Variants in GALNT3 observed in about 807,000 individuals in gnomAD.
GALNT3 encodes GalNAc transferase 3.
A neutral mutation model predicts 69.8 loss-of-function variants in GALNT3; 51 were observed. The ratio of observed to expected loss-of-function variants is 0.73; its 90% CI spans 0.58 to 0.92. The LOEUF is 0.92. Ranked by LOEUF, GALNT3 falls within the 40% of genes least tolerant of loss-of-function variation. The pLI, the probability that GALNT3 is intolerant of heterozygous loss-of-function variation, is 0.00. For missense variants in GALNT3, 711 were observed against 760.0 expected (o/e 0.94, Z 0.76); for synonymous variants, 265 against 248.5 (o/e 1.07, Z -0.63).
chr2:165,786,248 T>C (rs899394107), intron 1 of GALNT3, among the ~76,000 whole-genome samples: 7 of 152,180 alleles, frequency 4.6e-5, no homozygotes, highest in Non-Finnish European at 1.0e-4. Flanking sequence ...AGAAGAAACA[T>C]TTAAATAAAT....
chr2:165,747,986 G>A lies in GALNT3; in HGVS notation c.*795C>T, dbSNP rs934711426. 1.7e-5 allele frequency: 3 copies of A among 176,478 alleles called. No individual in the cohort carries two copies. Among genetic ancestry groups the A allele is most frequent in the African/African-American group, 7.1e-5 (3 of 42,196 alleles). The allele number at this position is 176,478 out of a possible 1,614,324, so 10.9% of individuals were successfully genotyped here. On this transcript the variant is annotated 3_prime_UTR_variant, in exon 11 of 11. Coordinates refer to ENST00000392701, the MANE Select transcript of GALNT3 (RefSeq NM_004482.4). Reference sequence around the variant, plus strand: ...GAAATTTAATATCACAAACATTCAAGATTAGTGAATTTTGGTAAGAAAAAA... The same window carrying A: ...GAAATTTAATATCACAAACATTCAAAATTAGTGAATTTTGGTAAGAAAAAA...
intron 1 of GALNT3, among the ~76,000 whole-genome samples, chr2:165,773,750 G>A (rs1161461526): frequency 6.6e-6 from 1 of 150,852 alleles, no homozygotes; most frequent in African/African-American, 2.4e-5. Context: ...GAAAAAAAGA[G>A]ACTGACTGGA....
intron 2 of GALNT3, 75 bp from the exon 3 acceptor site, chr2:165,765,131 A>G: frequency 8.5e-7 from 1 of 1,182,170 alleles, no homozygotes. Context: ...CATTGCTAAC[A>G]TTATCATTAT....
chr2:165,789,467 A>T (rs1683296818), intron 1 of GALNT3, among the ~76,000 whole-genome samples: 1 of 152,240 alleles, frequency 6.6e-6, no homozygotes, highest in Admixed American at 6.5e-5. Flanking sequence ...CATTCAGACC[A>T]TAGCAGTTGT....
chr2:165,777,943 C>A (rs1683005230), intron 1 of GALNT3, among the ~76,000 whole-genome samples: 1 of 152,306 alleles, frequency 6.6e-6, no homozygotes, highest in Admixed American at 6.5e-5. Context: ...CCATCAGCAA[C>A]CGTGAGGCAC....
chr2:165,748,069 T>C lies in GALNT3; in HGVS notation c.*712A>G, dbSNP rs1688291747. On this transcript the variant is annotated 3_prime_UTR_variant, in exon 11 of 11. Coordinates refer to ENST00000392701, the MANE Select transcript of GALNT3 (RefSeq NM_004482.4). ...ACAGATAGTAATTTATAAAAATTTT[T>C]TTAAAAGTGCTTTGGGAAAACACAC... is the stretch of plus-strand genomic sequence containing the variant. The C allele has an allele frequency of 5.5e-6, 1 of 181,398 alleles. No individual in the cohort carries two copies. The highest frequency in any genetic ancestry group is 1.2e-5 in the Non-Finnish European group (1 of 84,858). The allele number at this position is 181,398 out of a possible 1,614,324, so 11.2% of individuals were successfully genotyped here.
Position 165,748,496 on chromosome 2 carries a change from A to C in GALNT3, c.*285T>G. On this transcript the variant is annotated 3_prime_UTR_variant, in exon 11 of 11. Coordinates refer to ENST00000392701, the MANE Select transcript of GALNT3 (RefSeq NM_004482.4). ...ATATCCCTAAGTGTACAAAACACAC[A>C]AACATCACTTTACTTGGAAAATTAT... The C allele has an allele frequency of 2.3e-6, 1 of 439,756 alleles. No individual in the cohort carries two copies. Among genetic ancestry groups the C allele is most frequent in the East Asian group, 4.0e-5 (1 of 25,084 alleles). The allele number at this position is 439,756 out of a possible 1,614,324, so 27.2% of individuals were successfully genotyped here. A position where few individuals can be genotyped will look rare whatever the true frequency, so the allele number is the denominator to read the frequency against.
Position 165,794,020 on chromosome 2 carries a change from G to C in GALNT3, c.-114C>G, listed in dbSNP as rs1365289653. 6.6e-6 allele frequency: 1 copy of C among 152,380 alleles called. No homozygotes were observed. The highest frequency in any genetic ancestry group is 1.5e-5 in the Non-Finnish European group (1 of 68,158). The allele number at this position is 152,380 out of a possible 1,614,324, so 9.4% of individuals were successfully genotyped here. ...TCCGCCTGCCGCCGGCTTACCTGGC[G>C]GGTGGGCAGGGCAGGGTGGCGGGAA... is the stretch of plus-strand genomic sequence containing the variant. On this transcript the variant is annotated 5_prime_UTR_variant, in exon 1 of 11. Transcript: ENST00000392701.
intron 9 of GALNT3, among the ~76,000 whole-genome samples, chr2:165,753,890 C>T (rs1035231878): frequency 2.6e-5 from 4 of 151,994 alleles, no homozygotes; most frequent in Admixed American, 1.3e-4. Flanking sequence ...ATTTATAATG[C>T]TCTATTTTGT....
Position 165,757,120 on chromosome 2 carries a change from G to T in GALNT3, c.1319C>A (p.Ala440Glu), listed in dbSNP as rs199930810. The T allele has an allele frequency of 2.5e-6, 4 of 1,613,836 alleles. No individual in the cohort carries two copies. Among genetic ancestry groups the T allele is most frequent in the African/African-American group, 1.3e-5 (1 of 74,868 alleles). Reference sequence around the variant, plus strand: ...CTTGTATTCATCCATCCAGACTTCTGCAAGGCGAACTTGGTTTCTAGCAAT... The same window carrying T: ...CTTGTATTCATCCATCCAGACTTCTTCAAGGCGAACTTGGTTTCTAGCAAT... ...QVIARNQVRLAEVWMDEYKEI... is the reference protein window; with the variant it reads ...QVIARNQVRLEEVWMDEYKEI... The change falls in exon 7 of 11, where the codon GCA (alanine) becomes GAA (glutamate). Residue 440 changes from alanine (A) to glutamate (E), a missense_variant. Coordinates refer to ENST00000392701, the MANE Select transcript of GALNT3 (RefSeq NM_004482.4).
rs1688302657 is a variant in GALNT3, at chr2:165,748,705, A to G, written c.*76T>C. 1 of 1,408,780 alleles carries G rather than the reference A, an allele frequency of 7.1e-7. No homozygotes were observed. The highest frequency in any genetic ancestry group is 9.8e-7 in the Non-Finnish European group (1 of 1,023,244). The allele number at this position is 1,408,780 out of a possible 1,614,324, so 87.3% of individuals were successfully genotyped here. ...ATTTAGCTGCTTTTGCATAATTTTCAAAAACTACAGTGTATGCCTAGTCAC... is the reference window on the plus strand; with the variant it reads ...ATTTAGCTGCTTTTGCATAATTTTCGAAAACTACAGTGTATGCCTAGTCAC... On this transcript the variant is annotated 3_prime_UTR_variant, in exon 11 of 11. Coordinates refer to ENST00000392701, the MANE Select transcript of GALNT3 (RefSeq NM_004482.4).
intron 10 of GALNT3, 134 bp downstream of exon 10, chr2:165,749,608 A>G (rs1014973678): frequency 7.1e-6 from 6 of 844,964 alleles, no homozygotes; most frequent in African/African-American, 3.3e-5. Context: ...GTAGAAACAC[A>G]TAATAACAAA....
chr2:165,754,495 ACT>A lies in GALNT3; in HGVS notation c.1626+130_1626+131del, dbSNP rs1688410327. 51 of 686,802 alleles carry A rather than the reference ACT, an allele frequency of 7.4e-5. 1 individual carries two copies. In the South Asian group the frequency reaches 8.4e-4, roughly 11 times the overall value. The allele number at this position is 686,802 out of a possible 1,614,324, so 42.5% of individuals were successfully genotyped here. On this transcript the variant is annotated intron_variant, in intron 9 of 10. Coordinates refer to ENST00000392701, the MANE Select transcript of GALNT3 (RefSeq NM_004482.4). Reference sequence around the variant, plus strand: ...AATACTCATCAATATCAATTGCCAAACTCAGTCTGAAAACATTTCACACACAG... The same window carrying A: ...AATACTCATCAATATCAATTGCCAAACAGTCTGAAAACATTTCACACACAG...
intron 1 of GALNT3, among the ~76,000 whole-genome samples, chr2:165,778,628 T>C (rs1176148837): frequency 6.6e-6 from 1 of 152,180 alleles, no homozygotes; most frequent in Non-Finnish European, 1.5e-5. Context: ...GAGATGTCTA[T>C]GGAGATGCCC....
At position 165,754,625 on chromosome 2, in the gene GALNT3, A is replaced by C; in HGVS notation, c.1626+2T>G. On this transcript the variant is annotated splice_donor_variant, in intron 9 of 10. Coordinates refer to ENST00000392701, the MANE Select transcript of GALNT3 (RefSeq NM_004482.4). LOFTEE classifies it high-confidence loss of function. The stretch of plus-strand genomic sequence containing the variant: ...GTGAAGGATTTTTAATGCAGTGCTC[A>C]CCTGGTTTCCCCCAAGTCCATGACA... The C allele has an allele frequency of 1.2e-6, 2 of 1,604,546 alleles. No homozygotes were observed. The highest frequency in any genetic ancestry group is 1.7e-6 in the Non-Finnish European group (2 of 1,171,688).
chr2:165,792,752 C>T (rs1484011201), intron 1 of GALNT3, among the ~76,000 whole-genome samples: 2 of 152,042 alleles, frequency 1.3e-5, no homozygotes, highest in Non-Finnish European at 2.9e-5. Context: ...GAAAGTTTAA[C>T]ATGTGCACTA....
rs747649996 is a variant in GALNT3, at chr2:165,754,914, G to A, written c.1524+18C>T. 1 of 1,612,320 alleles carries A rather than the reference G, an allele frequency of 6.2e-7. No individual in the cohort carries two copies. Among genetic ancestry groups the A allele is most frequent in the East Asian group, 2.2e-5 (1 of 44,754 alleles). ...GCAAGGAGTATATTAATTAAAAAAG[G>A]AACAGGAAAATACTCACGTATCCAG... On this transcript the variant is annotated intron_variant, in intron 8 of 10. Coordinates refer to ENST00000392701, the MANE Select transcript of GALNT3 (RefSeq NM_004482.4).
At position 165,757,313 on chromosome 2, in the gene GALNT3, T is replaced by A. The variant is rs970980017; in HGVS notation, c.1192-66A>T. 342 of 1,504,172 alleles carry A rather than the reference T, an allele frequency of 2.3e-4. 2 individuals carry two copies. Among genetic ancestry groups the A allele is most frequent in the Non-Finnish European group, 2.2e-4 (237 of 1,087,816 alleles). The allele number at this position is 1,504,172 out of a possible 1,614,324, so 93.2% of individuals were successfully genotyped here. The stretch of plus-strand genomic sequence containing the variant: ...GAAAAATCAAAGTGTTGCTTTTAAG[T>A]TCACCTTTAAGGTATTATGAAAAAC... On this transcript the variant is annotated intron_variant, in intron 6 of 10. Coordinates refer to ENST00000392701, the MANE Select transcript of GALNT3 (RefSeq NM_004482.4).
Position 165,770,863 on chromosome 2 carries a change from C to G in GALNT3, c.-108-55G>C, listed in dbSNP as rs1044947706. The G allele has an allele frequency of 4.5e-6, 3 of 659,396 alleles. No individual in the cohort carries two copies. The African/African-American group carries it at 5.5e-5, about 12-fold the overall frequency. 40.8% of individuals were successfully genotyped at this position (659,396 alleles called of 1,614,324 possible). ...TAGCTATTCAGTCCTACAGGCATGG[C>G]TCAATTCATTCATTTAACCAACAAC... On this transcript the variant is annotated intron_variant, in intron 1 of 10. Coordinates refer to ENST00000392701, the MANE Select transcript of GALNT3 (RefSeq NM_004482.4).
Sources: gnomAD v4.1 joint callset for allele counts (sites outside exome capture counted in the v4.1 genomes callset) on GRCh38, gnomAD v4.1.1 for gene constraint, MANE v1.5 for transcripts, NCBI Gene and HGNC (gene_info 2026-07-23, HGNC 2026-07-21) for gene names.